Variants in PRKG1 observed in about 807,000 individuals in gnomAD.
PRKG1 encodes the protein cGMP-dependent protein kinase 1.
PRKG1 carries 35 observed loss-of-function variants against 88.1 expected under a neutral mutation model. That is an observed-to-expected ratio of 0.40 (90% CI 0.30 to 0.53). The LOEUF is 0.53. PRKG1 is among the 20% of genes least tolerant of loss of function. The pLI is 0.59. For missense variants in PRKG1, 540 were observed against 839.8 expected (o/e 0.64, Z 4.41); for synonymous variants, 303 against 292.5 (o/e 1.04, Z -0.37).
At chr10:51,953,975 G>A (rs150860382) in intron 5 of PRKG1, among the ~76,000 whole-genome samples, 66 of 152,190 alleles carry the variant, frequency 4.3e-4, no homozygotes, top group African/African-American at 1.5e-3. Context: ...TCCATTTTAG[G>A]ATTGGAATGA....
chr10:51,843,252 AT>A (rs946965764), intron 4 of PRKG1, among the ~76,000 whole-genome samples: 6 of 151,964 alleles, frequency 3.9e-5, no homozygotes, highest in Non-Finnish European at 5.9e-5. Flanking sequence ...TATAAGAATA[AT>A]TTGTTTTATA....
chr10:52,058,111 C>G (rs1322578218), intron 6 of PRKG1, among the ~76,000 whole-genome samples: 1 of 151,784 alleles, frequency 6.6e-6, no homozygotes, highest in Non-Finnish European at 1.5e-5. Context: ...CGGCATTATT[C>G]AGTTCATTTT....
At chr10:51,155,811 A>G (rs1846195083) in intron 2 of PRKG1, among the ~76,000 whole-genome samples, 1 of 151,852 alleles carries the variant, frequency 6.6e-6, no homozygotes, top group African/African-American at 2.4e-5. Flanking sequence ...GACTGACTGG[A>G]TGAGGCTCGC....
intron 2 of PRKG1, among the ~76,000 whole-genome samples, chr10:51,389,688 T>C (rs573315561): frequency 2.0e-5 from 3 of 152,294 alleles, no homozygotes; most frequent in African/African-American, 7.2e-5. Context: ...TTATAAGTTA[T>C]TTTCCATATA....
chr10:51,050,920 A>G (rs1843552603), intron 1 of PRKG1, among the ~76,000 whole-genome samples: 1 of 152,006 alleles, frequency 6.6e-6, no homozygotes, highest in Admixed American at 6.6e-5. Context: ...ATACCTTTTC[A>G]TATACTTCAT....
intron 1 of PRKG1, among the ~76,000 whole-genome samples, chr10:51,132,550 T>C (rs1253383351): frequency 2.0e-5 from 3 of 151,534 alleles, no homozygotes; most frequent in Non-Finnish European, 4.4e-5. Flanking sequence ...GAAGACACTT[T>C]ATTGGGGTAG....
chr10:51,570,641 A>T (rs763385962), intron 3 of PRKG1, among the ~76,000 whole-genome samples: 1 of 151,840 alleles, frequency 6.6e-6, no homozygotes, highest in African/African-American at 2.4e-5. Context: ...TACTTAAACC[A>T]TTGTTATTTT....
rs570703272 is a variant in PRKG1 at position 51,944,471 on chromosome 10, T to C, written c.762+36901T>C. Among the ~76,000 whole-genome samples, 25 of 152,062 alleles carry C rather than the reference T, an allele frequency of 1.6e-4. No homozygotes were observed. The East Asian group carries it at 4.3e-3, about 26-fold the overall frequency. ...CTATTTCCTTCAGTTCTGCTCTGATTTTAGTTATTTCTTGCCTTCTGCTAG... is the reference window on the plus strand; with the variant it reads ...CTATTTCCTTCAGTTCTGCTCTGATCTTAGTTATTTCTTGCCTTCTGCTAG... On this transcript the variant is annotated intron_variant, in intron 5 of 17. Coordinates refer to ENST00000373980, the MANE Select transcript of PRKG1 (RefSeq NM_006258.4).
At chr10:51,675,689 G>A (rs1177457135) in intron 3 of PRKG1, among the ~76,000 whole-genome samples, 1 of 152,122 alleles carries the variant, frequency 6.6e-6, no homozygotes, top group Non-Finnish European at 1.5e-5. Flanking sequence ...TTTAATATAA[G>A]TATTTAAAGT....
intron 17 of PRKG1, among the ~76,000 whole-genome samples, chr10:52,293,256 A>G (rs1216481780): frequency 1.3e-5 from 2 of 151,862 alleles, no homozygotes; most frequent in African/African-American, 4.8e-5. Context: ...TCAATGAAAT[A>G]AAAGAGGAAA....
At chr10:51,455,960 T>A (rs574951373) in intron 2 of PRKG1, among the ~76,000 whole-genome samples, 1 of 152,332 alleles carries the variant, frequency 6.6e-6, no homozygotes, top group South Asian at 2.1e-4. Flanking sequence ...ACCCAACTCC[T>A]GGTACCAATT....
rs113843706 is a variant in PRKG1, at chr10:51,611,618, G to A, written c.592+143782G>A. On this transcript the variant is annotated intron_variant, in intron 3 of 17. Coordinates refer to ENST00000373980, the MANE Select transcript of PRKG1 (RefSeq NM_006258.4). Reference sequence around the variant, plus strand: ...GTTGATTGGTTATTTTTGCTGTGCAGAAGCCTTTAATTTAATATAGTCCCA... The same window carrying A: ...GTTGATTGGTTATTTTTGCTGTGCAAAAGCCTTTAATTTAATATAGTCCCA... Among the ~76,000 whole-genome samples, 757 of 151,306 alleles carry A rather than the reference G, an allele frequency of 5.0e-3. 5 individuals carry two copies. Among genetic ancestry groups the A allele is most frequent in the African/African-American group, 0.018 (726 of 41,314 alleles).
chr10:51,794,869 T>C (rs1424183391), intron 3 of PRKG1, among the ~76,000 whole-genome samples: 1 of 152,142 alleles, frequency 6.6e-6, no homozygotes, highest in Non-Finnish European at 1.5e-5. Flanking sequence ...AATTATTATA[T>C]ATGTGACCTG....
At chr10:51,413,616 C>T (rs895214361) in intron 2 of PRKG1, among the ~76,000 whole-genome samples, 45 of 152,224 alleles carry the variant, frequency 3.0e-4, no homozygotes, top group African/African-American at 9.1e-4. Flanking sequence ...GCCTCTGCCT[C>T]CCAAGGTGCT....
chr10:51,518,680 A>G (rs796852188), intron 3 of PRKG1, among the ~76,000 whole-genome samples: 3 of 152,330 alleles, frequency 2.0e-5, no homozygotes, highest in African/African-American at 7.2e-5. Flanking sequence ...CAGAAGAGGA[A>G]ATAGAAGCAA....
intron 4 of PRKG1, among the ~76,000 whole-genome samples, chr10:51,845,545 T>C (rs1189491278): frequency 6.6e-6 from 1 of 152,106 alleles, no homozygotes; most frequent in East Asian, 1.9e-4. Flanking sequence ...TTGATAGCCT[T>C]GTAGAAAATT....
chr10:51,524,624 C>T lies in PRKG1; in HGVS notation c.592+56788C>T, dbSNP rs1024927186. 5.3e-5 allele frequency among the ~76,000 whole-genome samples: 8 copies of T among 152,148 alleles called. No individual in the cohort carries two copies. In the East Asian group the frequency reaches 7.7e-4, roughly 15 times the overall value. On this transcript the variant is annotated intron_variant, in intron 3 of 17. Transcript: ENST00000373980. ...CAGGCAAGTTACTGGAGTTGTCCCA[C>T]GGCCATGTTTTGCTGACCTCTGATT...
intron 3 of PRKG1, among the ~76,000 whole-genome samples, chr10:51,793,346 A>G (rs935751287): frequency 6.6e-6 from 1 of 152,186 alleles, no homozygotes; most frequent in East Asian, 1.9e-4. Context: ...TTAAAAATAT[A>G]TATAGTCAAA....
At chr10:51,406,807 T>C (rs192613874) in intron 2 of PRKG1, among the ~76,000 whole-genome samples, 8 of 152,296 alleles carry the variant, frequency 5.3e-5, no homozygotes, top group Admixed American at 1.3e-4. Context: ...GTCAGAGTTC[T>C]CTAGAGGGAA....
Sources: gnomAD v4.1 joint callset for allele counts (sites outside exome capture counted in the v4.1 genomes callset) on GRCh38, gnomAD v4.1.1 for gene constraint, MANE v1.5 for transcripts, NCBI Gene and HGNC (gene_info 2026-07-23, HGNC 2026-07-21) for gene names.